The following KALRN variants were observed in gnomAD, a reference collection of about 807,000 sequenced individuals.
KALRN encodes the protein kalirin RhoGEF kinase, also known as kalirin.
KALRN carries 70 observed loss-of-function variants against 353.7 expected under a neutral mutation model. The observed-to-expected ratio is 0.20, with a 90% confidence interval of 0.16 to 0.24. The LOEUF is 0.24. KALRN is among the 10% of genes least tolerant of loss of function. KALRN has a pLI of 1.00. For missense variants in KALRN, 2,791 were observed against 3,756.7 expected (o/e 0.74, Z 6.72); for synonymous variants, 1,391 against 1,434.8 (o/e 0.97, Z 0.69).
intron 5 of KALRN, among the ~76,000 whole-genome samples, chr3:124,281,163 C>G (rs12630943): frequency 6.6e-6 from 1 of 152,196 alleles, no homozygotes. Flanking sequence ...CATCCCATGG[C>G]CCCTTTGAAA....
intron 5 of KALRN, among the ~76,000 whole-genome samples, chr3:124,274,887 A>G (rs1203427821): frequency 1.3e-5 from 2 of 152,138 alleles, no homozygotes; most frequent in Non-Finnish European, 2.9e-5. Flanking sequence ...TCATTTTTGC[A>G]CGGTGAAATT....
chr3:124,458,132 C>T (rs1258523465), intron 23 of KALRN, among the ~76,000 whole-genome samples: 18 of 151,846 alleles, frequency 1.2e-4, no homozygotes, highest in South Asian at 2.1e-4. Flanking sequence ...AAAAATTAGC[C>T]GGGCATGGTA....
intron 1 of KALRN, among the ~76,000 whole-genome samples, chr3:124,175,821 T>C (rs946203613): frequency 4.6e-5 from 7 of 152,210 alleles, no homozygotes; most frequent in Non-Finnish European, 8.8e-5. Flanking sequence ...ATTCTCTAGC[T>C]GTCCTCTCTT....
intron 13 of KALRN, among the ~76,000 whole-genome samples, chr3:124,405,779 G>T (rs512043): frequency 0.62 from 94,255 of 151,416 alleles, 30,103 homozygotes; most frequent in East Asian, 0.77. Context: ...GAGTAGCTGG[G>T]ACTACAGGTG....
At chr3:124,329,827 C>T in intron 7 of KALRN, 34 bp from the exon 8 acceptor site, 1 of 1,603,916 alleles carries the variant, frequency 6.2e-7, no homozygotes, top group Non-Finnish European at 8.5e-7. Flanking sequence ...ACCCCCAGTG[C>T]TCCCCCACTG....
intron 1 of KALRN, among the ~76,000 whole-genome samples, chr3:124,074,862 A>G (rs1294098689): frequency 6.6e-6 from 1 of 152,210 alleles, no homozygotes; most frequent in East Asian, 1.9e-4. Flanking sequence ...TAGTTTACTG[A>G]AAAAGTGTTT....
intron 1 of KALRN, among the ~76,000 whole-genome samples, chr3:124,119,519 C>T (rs1400054542): frequency 6.6e-6 from 1 of 152,216 alleles, no homozygotes; most frequent in African/African-American, 2.4e-5. Context: ...CAGCTCATTG[C>T]TTTGCATGAC....
intron 34 of KALRN, among the ~76,000 whole-genome samples, chr3:124,622,378 AC>A (rs1190037247): frequency 2.0e-5 from 3 of 152,204 alleles, no homozygotes; most frequent in African/African-American, 7.2e-5. Flanking sequence ...GAGCAACTGG[AC>A]CCCATTGTCT....
At chr3:124,260,161 C>T (rs1306013306) in intron 3 of KALRN, among the ~76,000 whole-genome samples, 1 of 152,214 alleles carries the variant, frequency 6.6e-6, no homozygotes, top group Non-Finnish European at 1.5e-5. Flanking sequence ...CAAATGGAAG[C>T]TCACATACCC....
chr3:124,368,351 G>A (rs1304066911), intron 10 of KALRN, among the ~76,000 whole-genome samples: 14 of 147,920 alleles, frequency 9.5e-5, no homozygotes, highest in East Asian at 4.1e-4. Flanking sequence ...CAGACGGGGC[G>A]GCCGGGCAGA....
chr3:124,462,556 G>A lies in KALRN; in HGVS notation c.3954G>A (p.Glu1318=), dbSNP rs138484336. 7.6e-5 allele frequency: 122 copies of A among 1,611,578 alleles called. No individual in the cohort carries two copies. In the African/African-American group the frequency reaches 1.1e-3, roughly 14 times the overall value. Residue 1318 remains glutamate (E), a synonymous_variant, in exon 25 of 60, where the codon GAG becomes GAA. Transcript: ENST00000682506. Reference sequence around the variant, plus strand: ...TGTGGGAAATGACCAGTGGTGTGGAGGAGATCCCCCCTGGGATCCTCAATA... The same window carrying A: ...TGTGGGAAATGACCAGTGGTGTGGAAGAGATCCCCCCTGGGATCCTCAATA... The part of the protein sequence containing the change: ...TYLWEMTSGV[E]EIPPGILNKE...
chr3:124,094,834 T>A (rs1173599166), intron 1 of KALRN: 2 of 1,613,796 alleles, frequency 1.2e-6, no homozygotes, highest in Non-Finnish European at 1.7e-6. Flanking sequence ...GAGTTCAGGG[T>A]GGGATGACGG....
chr3:124,719,671 G>A lies in KALRN; in HGVS notation c.*201G>A. The A allele has an allele frequency of 1.8e-6, 1 of 559,624 alleles. No homozygotes were observed. The highest frequency in any genetic ancestry group is 3.1e-5 in the Admixed American group (1 of 31,770). The allele number at this position is 559,624 out of a possible 1,614,324, so 34.7% of individuals were successfully genotyped here. A position where few individuals can be genotyped will look rare whatever the true frequency, so the allele number is the denominator to read the frequency against. ...CCCTAAATCAAGGGGCTTTTCAGAA[G>A]GTCATTCTGAAGAAATAAAGAGGCA... On this transcript the variant is annotated 3_prime_UTR_variant, in exon 60 of 60. Transcript: ENST00000682506. This position sits in a 1 kb window ranked among gnomAD's most constrained non-coding sequence, Gnocchi z 5.3.
Position 124,153,232 on chromosome 3 carries a change from G to A in KALRN, c.74-74758G>A, listed in dbSNP as rs558797851. On this transcript the variant is annotated intron_variant, in intron 1 of 59. Coordinates refer to ENST00000682506, the MANE Select transcript of KALRN (RefSeq NM_001388419.1). The stretch of plus-strand genomic sequence containing the variant: ...GCTGCACCCATTAACTCATCATTTA[G>A]CATTAGGTATATCTCCTAATGCTAT... Among the ~76,000 whole-genome samples the A allele has an allele frequency of 2.1e-5, 3 of 145,552 alleles. No homozygotes were observed. In the South Asian group the frequency reaches 6.8e-4, roughly 33 times the overall value.
chr3:124,717,694 C>CA (rs1246724012), intron 59 of KALRN, among the ~76,000 whole-genome samples: 2 of 149,342 alleles, frequency 1.3e-5, no homozygotes, highest in Non-Finnish European at 3.0e-5. Context: ...AGACTCCCTT[C>CA]AAAAAAAAGA....
At position 124,276,566 on chromosome 3, in the gene KALRN, T is replaced by C. The variant is rs182626548; in HGVS notation, c.969+7311T>C. On this transcript the variant is annotated intron_variant, in intron 5 of 59. Transcript: ENST00000682506. ...CTTCCCCACACCTCCAACACCCCCA[T>C]TCCCCATGAGGCAGCAGTAACATGA... 2.8e-3 allele frequency among the ~76,000 whole-genome samples: 421 copies of C among 152,274 alleles called. 3 individuals are homozygous for C. The Middle Eastern group carries it at 0.031, about 11-fold the overall frequency.
At chr3:124,414,063 G>A (rs1008019276) in intron 14 of KALRN, among the ~76,000 whole-genome samples, 1 of 151,956 alleles carries the variant, frequency 6.6e-6, no homozygotes, top group African/African-American at 2.4e-5. Context: ...CTGAGACCAT[G>A]CGACTGCACT....
At chr3:124,436,005 C>T (rs717955) in intron 17 of KALRN, among the ~76,000 whole-genome samples, 80,298 of 152,002 alleles carry the variant, frequency 0.53, 22,306 homozygotes, top group East Asian at 0.78. Flanking sequence ...AGAATCGTAT[C>T]TGGTATAAGA....
chr3:124,700,951 T>TACG, intron 56 of KALRN, among the ~76,000 whole-genome samples: 1 of 152,356 alleles, frequency 6.6e-6, no homozygotes, highest in South Asian at 2.1e-4. Context: ...TGCAGAAACC[T>TACG]ACGCCCTGGG....
Sources: gnomAD v4.1 joint callset for allele counts (sites outside exome capture counted in the v4.1 genomes callset) on GRCh38, gnomAD v4.1.1 for gene constraint, Gnocchi (gnomAD v3.1) non-coding constraint, MANE v1.5 for transcripts, NCBI Gene and HGNC (gene_info 2026-07-23, HGNC 2026-07-21) for gene names.